The following SEC24C variants were observed in gnomAD, a reference collection of about 807,000 sequenced individuals.
SEC24C encodes the protein SEC24 homolog C, COPII component.
SEC24C carries 22 observed loss-of-function variants against 117.0 expected under a neutral mutation model. The observed-to-expected ratio is 0.19, with a 90% CI of 0.13 to 0.27. SEC24C has a LOEUF of 0.27. SEC24C is among the 10% of genes least tolerant of loss of function. SEC24C has a pLI of 1.00. For synonymous variants in SEC24C, 506 were observed against 529.4 expected (o/e 0.96, Z 0.61); for missense variants, 1,155 against 1,375.1 (o/e 0.84, Z 2.53).
intron 1 of SEC24C, among the ~76,000 whole-genome samples, chr10:73,744,743 G>A (rs1308739317): frequency 6.6e-6 from 1 of 152,136 alleles, no homozygotes; most frequent in African/African-American, 2.4e-5. Context: ...TTGGCTTCTC[G>A]GTTTTGATCC....
At chr10:73,761,087 C>T (rs2082789885) in intron 6 of SEC24C, among the ~76,000 whole-genome samples, 1 of 152,218 alleles carries the variant, frequency 6.6e-6, no homozygotes, top group African/African-American at 2.4e-5. Context: ...TGAGCAGCAG[C>T]ACCAGTAGAT....
At position 73,746,987 on chromosome 10, in the gene SEC24C, A is replaced by G; in HGVS notation, c.155A>G (p.Gln52Arg). The G allele has an allele frequency of 6.2e-7, 1 of 1,612,428 alleles. No homozygotes were observed. Among genetic ancestry groups the G allele is most frequent in the African/African-American group, 1.3e-5 (1 of 74,988 alleles). Residue 52 changes from glutamine (Q) to arginine (R), a missense_variant, in exon 2 of 23, where the codon CAG becomes CGG. By Grantham distance (43) the Gln-to-Arg change is conservative. Around this residue, in one of 2 missense-constraint regions of SEC24C, gnomAD observed 396 missense variants for 382.8 expected, o/e 1.03. Coordinates refer to ENST00000345254, the MANE Select transcript of SEC24C (RefSeq NM_198597.3). ...GAYNGPVPGY[Q>R]QTPPQGMSRA... is the part of the protein sequence containing the mutation. Reference sequence around the variant, plus strand: ...TACAATGGCCCAGTACCAGGCTATCAGCAAACACCTCCCCAAGGTATGTTT... The same window carrying G: ...TACAATGGCCCAGTACCAGGCTATCGGCAAACACCTCCCCAAGGTATGTTT...
At position 73,766,066 on chromosome 10, in the gene SEC24C, A is replaced by G. The variant is rs1429392044; in HGVS notation, c.1483-20A>G. 2 of 1,609,422 alleles carry G rather than the reference A, an allele frequency of 1.2e-6. No individual in the cohort carries two copies. The highest frequency in any genetic ancestry group is 1.7e-5 in the Admixed American group (1 of 59,292). Reference sequence around the variant, plus strand: ...CCTGCTTACCATTCCCCCTCTCCCCAACATTTTCTTCCTCTGCAGAACAAT... The same window carrying G: ...CCTGCTTACCATTCCCCCTCTCCCCGACATTTTCTTCCTCTGCAGAACAAT... On this transcript the variant is annotated intron_variant, in intron 10 of 22. Coordinates refer to ENST00000345254, the MANE Select transcript of SEC24C (RefSeq NM_198597.3).
chr10:73,766,409 T>C lies in SEC24C; in HGVS notation c.1667T>C (p.Leu556Pro). Residue 556 changes from leucine to proline, a missense_variant, in exon 12 of 23, where the codon CTC (leucine) becomes CCC (proline). Physicochemically the swap from Leu to Pro is moderately conservative, Grantham distance 98. Coordinates refer to ENST00000345254, the MANE Select transcript of SEC24C (RefSeq NM_198597.3). ...RVGFVTYNKV[L>P]HFYNVKSSLA... Reference sequence around the variant, plus strand: ...GGCTTTGTCACCTACAATAAGGTGCTCCACTTCTATAATGTGAAGAGCTCA... The same window carrying C: ...GGCTTTGTCACCTACAATAAGGTGCCCCACTTCTATAATGTGAAGAGCTCA... The C allele has an allele frequency of 3.1e-6, 5 of 1,614,058 alleles. No individual in the cohort carries two copies. In the South Asian group the frequency reaches 3.3e-5, roughly 11 times the overall value.
chr10:73,746,780 G>C, intron 1 of SEC24C, 25 bp from the exon 2 acceptor site: 1 of 1,511,332 alleles, frequency 6.6e-7, no homozygotes, highest in Non-Finnish European at 9.0e-7. Context: ...AGTTCATTTT[G>C]ACTAATTTCT....
In SEC24C at chr10:73,751,220, A is replaced by C. The variant is rs750577364; in HGVS notation, c.285A>C (p.Pro95=). 6.2e-7 allele frequency: 1 copy of C among 1,614,184 alleles called. No homozygotes were observed. Among genetic ancestry groups the C allele is most frequent in the Non-Finnish European group, 8.5e-7 (1 of 1,179,994 alleles). Residue 95 remains proline, a synonymous_variant, in exon 3 of 23, where the codon CCA becomes CCC. Coordinates refer to ENST00000345254, the MANE Select transcript of SEC24C (RefSeq NM_198597.3). ...QFGQGDVQNG[P]SSTVQMQRLP... ...GCCAAGGAGATGTACAGAATGGGCC[A>C]AGCTCCACTGTTCAGATGCAAAGGT... is the stretch of plus-strand genomic sequence containing the variant.
In SEC24C at chr10:73,767,870, A is replaced by T. The variant is rs2082909239; in HGVS notation, c.2044A>T (p.Thr682Ser). 1 of 1,613,018 alleles carries T rather than the reference A, an allele frequency of 6.2e-7. No individual in the cohort carries two copies. Among genetic ancestry groups the T allele is most frequent in the South Asian group, 1.1e-5 (1 of 90,866 alleles). ...LFQPQTGAYQ[T>S]LAKECVAQGC... ...CCAGCCTCAGACAGGTGCCTATCAG[A>T]CCCTGGCCAAAGAGTGTGTGGCCCA... The change falls in exon 15 of 23, where the codon ACC becomes TCC. Residue 682 changes from threonine (T) to serine (S), a missense_variant. Physicochemically the swap from Thr to Ser is moderately conservative, Grantham distance 58. Transcript: ENST00000345254.
chr10:73,764,483 C>T (rs2082849117), intron 8 of SEC24C, among the ~76,000 whole-genome samples: 1 of 148,528 alleles, frequency 6.7e-6, no homozygotes, highest in Non-Finnish European at 1.5e-5. Flanking sequence ...GAGATTGCAC[C>T]ACTGCACTCC....
In SEC24C at chr10:73,760,355, G is replaced by A. The variant is rs757601010; in HGVS notation, c.819G>A (p.Pro273=). 28 of 1,602,548 alleles carry A rather than the reference G, an allele frequency of 1.7e-5. No homozygotes were observed. Among genetic ancestry groups the A allele is most frequent in the Non-Finnish European group, 2.0e-5 (24 of 1,175,986 alleles). Reference sequence around the variant, plus strand: ...GACCACTGCCACCTATGCACTCCCCGCAGCAGCCAGGCTATCAGCCCCAAC... The same window carrying A: ...GACCACTGCCACCTATGCACTCCCCACAGCAGCCAGGCTATCAGCCCCAAC... The part of the protein sequence containing the change: ...PLGPLPPMHS[P]QQPGYQPQQN... The change falls in exon 5 of 23, where the codon CCG becomes CCA. Residue 273 remains proline (P), a synonymous_variant. Transcript: ENST00000345254.
rs2082774503 is a variant in SEC24C at position 73,760,146 on chromosome 10, C to T, written c.610C>T (p.Arg204Ter). ...QGHPGIQTPQ[R>*]SAPSQASSFT... is the part of the protein sequence containing the mutation. The stretch of plus-strand genomic sequence containing the variant: ...TCATCCTGGGATCCAGACTCCCCAG[C>T]GATCTGCCCCATCACAGGCCTCCAG... Residue 204 changes from arginine (R) to a stop codon, truncating the protein, a stop_gained, in exon 5 of 23, where the codon CGA becomes TGA. Coordinates refer to ENST00000345254, the MANE Select transcript of SEC24C (RefSeq NM_198597.3). LOFTEE classifies it high-confidence loss of function. 1 of 1,614,156 alleles carries T rather than the reference C, an allele frequency of 6.2e-7. No individual in the cohort carries two copies. Among genetic ancestry groups the T allele is most frequent in the Non-Finnish European group, 8.5e-7 (1 of 1,180,016 alleles).
In SEC24C at chr10:73,760,210, C is replaced by T. The variant is rs138523322; in HGVS notation, c.674C>T (p.Ser225Leu). 1.1e-5 allele frequency: 17 copies of T among 1,614,036 alleles called. No individual in the cohort carries two copies. The highest frequency in any genetic ancestry group is 8.3e-5 in the Admixed American group (5 of 60,006). ...PPASGGPRLP[S>L]MTGPLLPGQS... ...GCTTCAGGGGGTCCTCGGCTGCCTT[C>T]GATGACTGGTCCACTCCTGCCTGGA... Residue 225 changes from serine (S) to leucine (L), a missense_variant, in exon 5 of 23, where the codon TCG (serine) becomes TTG (leucine). By Grantham distance (145) the Ser-to-Leu change is moderately radical (BLOSUM62 -2). This residue lies in a region of SEC24C where 396 missense variants were observed against 382.8 expected (regional missense o/e 1.03). Transcript: ENST00000345254.
chr10:73,770,940 G>C lies in SEC24C; in HGVS notation c.3145-15G>C, dbSNP rs1289579532. ...CCTTTGGCCTTGCCTTATGAACCCT[G>C]AATTCTGGCCGTAGCTTACCGTGGT... On this transcript the variant is annotated splice_polypyrimidine_tract_variant and intron_variant, in intron 22 of 22. Transcript: ENST00000345254. 6.2e-7 allele frequency: 1 copy of C among 1,614,138 alleles called. No individual in the cohort carries two copies. The highest frequency in any genetic ancestry group is 1.7e-5 in the Admixed American group (1 of 60,024).
At chr10:73,754,330 G>A (rs1477577210) in intron 3 of SEC24C, among the ~76,000 whole-genome samples, 3 of 152,058 alleles carry the variant, frequency 2.0e-5, no homozygotes, top group Non-Finnish European at 4.4e-5. Context: ...CAGGAGAATC[G>A]CTTGAACCCA....
At chr10:73,766,682 C>A in intron 12 of SEC24C, 78 bp from the exon 13 acceptor site, 1 of 1,471,232 alleles carries the variant, frequency 6.8e-7, no homozygotes, top group Non-Finnish European at 9.4e-7. Flanking sequence ...GGCTTGATGA[C>A]TCTTCAGGGA....
intron 15 of SEC24C, 91 bp downstream of exon 15, chr10:73,768,098 T>G: frequency 2.3e-6 from 3 of 1,292,920 alleles, no homozygotes; most frequent in Non-Finnish European, 3.2e-6. Context: ...AGAAATAGTG[T>G]TGGGGCCAGG....
At chr10:73,760,413 G>A in intron 5 of SEC24C, 27 bp downstream of exon 5, 2 of 1,537,920 alleles carry the variant, frequency 1.3e-6, no homozygotes, top group East Asian at 4.5e-5. Context: ...GTCTGTCTTA[G>A]AAGCTAGAGG....
chr10:73,751,031 C>T, intron 2 of SEC24C, 77 bp from the exon 3 acceptor site: 1 of 1,518,982 alleles, frequency 6.6e-7, no homozygotes, highest in Non-Finnish European at 9.0e-7. Context: ...GTTTATTGAT[C>T]CTTGCTTTGC....
chr10:73,768,069 C>A, intron 15 of SEC24C, 62 bp downstream of exon 15: 1 of 1,464,002 alleles, frequency 6.8e-7, no homozygotes, highest in Non-Finnish European at 9.4e-7. Flanking sequence ...CTTATATATG[C>A]AGTGGCTGAC....
intron 3 of SEC24C, among the ~76,000 whole-genome samples, chr10:73,755,480 A>G (rs575409675): frequency 1.9e-4 from 29 of 152,080 alleles, no homozygotes; most frequent in African/African-American, 6.0e-4. Context: ...GATCGAGACC[A>G]TCCTGGCTAA....
Sources: allele counts gnomAD v4.1 joint callset (sites outside exome capture counted in the v4.1 genomes callset), GRCh38; gene constraint gnomAD v4.1.1; regional missense constraint gnomAD v4.1.1; transcripts MANE v1.5; gene names NCBI Gene and HGNC (gene_info 2026-07-23, HGNC 2026-07-21).